Variants in AP4M1 observed in about 807,000 individuals in gnomAD.
AP4M1 encodes adaptor related protein complex 4 subunit mu 1.
In AP4M1, 58 loss-of-function variants were observed where a neutral mutation model predicts 62.4. The observed-to-expected ratio is 0.93, with a 90% CI of 0.75 to 1.16. AP4M1 has a LOEUF of 1.16. Ranked by LOEUF, AP4M1 falls within the 50% of genes most tolerant of loss-of-function variation. The probability of loss-of-function intolerance (pLI) is 0.00; values close to 1 mark genes in which losing one functional copy is unlikely to be tolerated. For missense variants in AP4M1, 626 were observed against 585.4 expected, an observed-to-expected ratio of 1.07 and a Z score of -0.72; for synonymous variants, 290 against 239.7, an observed-to-expected ratio of 1.21 and a Z score of -1.94.
upstream of AP4M1, chr7:100,101,062 T>C (rs1795992660): frequency 1.4e-6 from 1 of 724,448 alleles, no homozygotes; most frequent in Admixed American, 2.9e-5. Flanking sequence ...GTGGGATTAC[T>C]AGCTTTTCTT....
In AP4M1 at chr7:100,106,827, C is replaced by T. The variant is rs755925051; in HGVS notation, c.1307C>T (p.Pro436Leu). 2 of 1,614,038 alleles carry T rather than the reference C, an allele frequency of 1.2e-6. No individual in the cohort carries two copies. The highest frequency in any genetic ancestry group is 1.7e-6 in the Non-Finnish European group (2 of 1,180,052). Residue 436 changes from proline (P) to leucine (L), a missense_variant, in exon 15 of 15, where the codon CCC becomes CTC. Transcript: ENST00000359593. Reference protein sequence around the residue: ...LAFRPCGNANPHKWVRHLSHS... With the variant: ...LAFRPCGNANLHKWVRHLSHS... Reference sequence around the variant, plus strand: ...TTCAGGCCATGCGGCAATGCCAACCCCCACAAGTGGGTGCGACACCTAAGC... The same window carrying T: ...TTCAGGCCATGCGGCAATGCCAACCTCCACAAGTGGGTGCGACACCTAAGC...
chr7:100,102,000 G>C, intron 2 of AP4M1, 32 bp downstream of exon 2: 2 of 1,611,198 alleles, frequency 1.2e-6, no homozygotes, highest in Non-Finnish European at 1.7e-6. Context: ...GTGAGGAGCG[G>C]GGTCCCGTCG....
At chr7:100,102,167 G>A in intron 2 of AP4M1, 199 bp downstream of exon 2, 3 of 658,316 alleles carry the variant, frequency 4.6e-6, no homozygotes, top group Non-Finnish European at 5.4e-6. Context: ...GATCACCTGA[G>A]GTCAGGAGTT....
rs745911313 is a variant in AP4M1, at chr7:100,108,078, G to A, written c.*1196G>A. 61 of 1,611,408 alleles carry A rather than the reference G, an allele frequency of 3.8e-5. No individual in the cohort carries two copies. Among genetic ancestry groups the A allele is most frequent in the Non-Finnish European group, 4.8e-5 (57 of 1,179,368 alleles). The stretch of plus-strand genomic sequence containing the variant: ...GGAACCTTCAGCAAGCCAGGGGTGC[G>A]AGGGCCAGGCTGTGGGGCCTGCGAG... On this transcript the variant is annotated 3_prime_UTR_variant, in exon 15 of 15. Transcript: ENST00000359593.
At chr7:100,103,136 G>C in intron 4 of AP4M1, 176 bp downstream of exon 4, 1 of 665,564 alleles carries the variant, frequency 1.5e-6, no homozygotes, top group Non-Finnish European at 2.6e-6. Context: ...CAGTGGTGCA[G>C]TTATAGCTCA....
chr7:100,101,441 G>A, upstream of AP4M1: 1 of 1,101,794 alleles, frequency 9.1e-7, no homozygotes, highest in Non-Finnish European at 1.3e-6. Flanking sequence ...CACTGCGTGC[G>A]GGCCAATCGG....
upstream of AP4M1, chr7:100,101,548 T>A (rs1018305341): frequency 4.9e-6 from 4 of 814,560 alleles, no homozygotes; most frequent in Non-Finnish European, 8.2e-6. Context: ...CGGAAGGGAA[T>A]CTCCGGGCGG....
Position 100,105,970 on chromosome 7 carries a change from A to G in AP4M1, c.941A>G (p.Tyr314Cys). Residue 314 changes from tyrosine to cysteine, a missense_variant, in exon 12 of 15, where the codon TAT becomes TGT. Coordinates refer to ENST00000359593, the MANE Select transcript of AP4M1 (RefSeq NM_004722.4). ...WDRGSGRLQV[Y>C]LKLRCDLLSK... ...ACCCTCTCATCCAGGCTCCAGGTTT[A>G]TCTAAAGTTGCGATGTGACCTGCTC... 3 of 1,614,126 alleles carry G rather than the reference A, an allele frequency of 1.9e-6. No individual in the cohort carries two copies. The highest frequency in any genetic ancestry group is 2.5e-6 in the Non-Finnish European group (3 of 1,180,020).
chr7:100,106,992 G>T lies in AP4M1; in HGVS notation c.*110G>T. ...CGGACTCTGAATCTGGGCAGGAAGAGTCCTCAGTCCCAAGACCAGGAGGGG... is the reference window on the plus strand; with the variant it reads ...CGGACTCTGAATCTGGGCAGGAAGATTCCTCAGTCCCAAGACCAGGAGGGG... On this transcript the variant is annotated 3_prime_UTR_variant, in exon 15 of 15. Coordinates refer to ENST00000359593, the MANE Select transcript of AP4M1 (RefSeq NM_004722.4). 1 of 1,346,794 alleles carries T rather than the reference G, an allele frequency of 7.4e-7. No individual in the cohort carries two copies. The highest frequency in any genetic ancestry group is 1.0e-6 in the Non-Finnish European group (1 of 975,190). The allele number at this position is 1,346,794 out of a possible 1,614,324, so 83.4% of individuals were successfully genotyped here.
Position 100,108,241 on chromosome 7 carries a change from C to T in AP4M1, c.*1359C>T. On this transcript the variant is annotated 3_prime_UTR_variant, in exon 15 of 15. Transcript: ENST00000359593. ...TGGCTCTCACTAGGGCTGGGGCATCCTCACTCAGGGCCTGGTTGCCCTGAG... is the reference window on the plus strand; with the variant it reads ...TGGCTCTCACTAGGGCTGGGGCATCTTCACTCAGGGCCTGGTTGCCCTGAG... 6.9e-7 allele frequency: 1 copy of T among 1,458,590 alleles called. No homozygotes were observed. The highest frequency in any genetic ancestry group is 9.1e-7 in the Non-Finnish European group (1 of 1,098,694). The allele number at this position is 1,458,590 out of a possible 1,614,324, so 90.4% of individuals were successfully genotyped here.
Position 100,102,968 on chromosome 7 carries a change from T to C in AP4M1, c.351+8T>C. The stretch of plus-strand genomic sequence containing the variant: ...CTCCTGGATGAAGTGCTGGTGAGAA[T>C]CAACAATCCCCTTCTGTGGCCCCTA... On this transcript the variant is annotated splice_region_variant and intron_variant, in intron 4 of 14. Coordinates refer to ENST00000359593, the MANE Select transcript of AP4M1 (RefSeq NM_004722.4). 6.2e-7 allele frequency: 1 copy of C among 1,611,000 alleles called. No individual in the cohort carries two copies. Among genetic ancestry groups the C allele is most frequent in the Non-Finnish European group, 8.5e-7 (1 of 1,177,828 alleles).
chr7:100,105,080 G>A lies in AP4M1; in HGVS notation c.709G>A (p.Gly237Arg), dbSNP rs1370941477. ...RIGLTEEFCV[G>R]KSELRGYGPG... ...TGGCTTGACGGAAGAGTTTTGTGTG[G>A]GGAAGTCAGAGCTGAGAGGTGAGGA... The change falls in exon 9 of 15, where the codon GGG becomes AGG. Residue 237 changes from glycine (G) to arginine (R), a missense_variant. Coordinates refer to ENST00000359593, the MANE Select transcript of AP4M1 (RefSeq NM_004722.4). 1 of 1,614,048 alleles carries A rather than the reference G, an allele frequency of 6.2e-7. No individual in the cohort carries two copies. Among genetic ancestry groups the A allele is most frequent in the Non-Finnish European group, 8.5e-7 (1 of 1,180,042 alleles).
At chr7:100,101,489 C>T (rs1360700450), upstream of AP4M1, 2 of 803,904 alleles carry the variant, frequency 2.5e-6, no homozygotes, top group Non-Finnish European at 4.0e-6. Flanking sequence ...AGCCGCAAGC[C>T]AATCACCGTG....
At position 100,105,482 on chromosome 7, in the gene AP4M1, C is replaced by T; in HGVS notation, c.872C>T (p.Pro291Leu). The T allele has an allele frequency of 6.2e-7, 1 of 1,614,052 alleles. No homozygotes were observed. ...VMRYQLSDDL[P>L]SPLPFRLFPS... ...CGGTACCAACTCTCCGATGACCTCC[C>T]CTCACCGCTCCCCTTCCGGCTCTTC... is the stretch of plus-strand genomic sequence containing the variant. The change falls in exon 11 of 15, where the codon CCC becomes CTC. Residue 291 changes from proline to leucine, a missense_variant. Pro to Leu is a moderately conservative substitution (Grantham distance 98, BLOSUM62 -3). Transcript: ENST00000359593.
chr7:100,103,625 C>A lies in AP4M1; in HGVS notation c.476C>A (p.Thr159Lys), dbSNP rs1271746289. The A allele has an allele frequency of 2.5e-6, 4 of 1,613,842 alleles. No homozygotes were observed. The African/African-American group carries it at 5.3e-5, about 22-fold the overall frequency. Residue 159 changes from threonine to lysine, a missense_variant, in exon 6 of 15, where the codon ACA (threonine) becomes AAA (lysine). Coordinates refer to ENST00000359593, the MANE Select transcript of AP4M1 (RefSeq NM_004722.4). ...LSSVGLFGAE[T>K]QQSKVAPSSA... ...GATGCTTTACAGTTTGGGGCTGAGA[C>A]ACAACAGAGCAAAGTGGCCCCCAGC...
intron 11 of AP4M1, 129 bp from the exon 12 acceptor site, chr7:100,105,830 G>T: frequency 4.3e-6 from 5 of 1,155,806 alleles, no homozygotes. Flanking sequence ...GTTGGGCTGG[G>T]CTTCAGCCCT....
Position 100,107,653 on chromosome 7 carries a change from C to T in AP4M1, c.*771C>T. 2 of 1,601,452 alleles carry T rather than the reference C, an allele frequency of 1.2e-6. No homozygotes were observed. On this transcript the variant is annotated 3_prime_UTR_variant, in exon 15 of 15. Transcript: ENST00000359593. ...ATAGAAAGGAAAGGCAGGCCGCTTGCCCTGTGCCCTCCCTGCCCCCCAGAG... is the reference window on the plus strand; with the variant it reads ...ATAGAAAGGAAAGGCAGGCCGCTTGTCCTGTGCCCTCCCTGCCCCCCAGAG...
In AP4M1 at chr7:100,108,325, CCT is replaced by C. The variant is rs893198999; in HGVS notation, c.*1446_*1447del. 9 of 1,563,704 alleles carry C rather than the reference CCT, an allele frequency of 5.8e-6. No individual in the cohort carries two copies. The African/African-American group carries it at 1.1e-4, about 19-fold the overall frequency. On this transcript the variant is annotated 3_prime_UTR_variant, in exon 15 of 15. Transcript: ENST00000359593. ...AGTGCCTGTCCCACACAGGGGTTCT[CCT>C]CTGCTTCCTCCTATTCCTCCTCCCC... is the stretch of plus-strand genomic sequence containing the variant.
chr7:100,108,142 A>G lies in AP4M1; in HGVS notation c.*1260A>G, dbSNP rs1205200117. Reference sequence around the variant, plus strand: ...GCCGGGGCTGCGGGGAGAAGAGGAAAGGGGGAAGTGGCACCATCTACTAAG... The same window carrying G: ...GCCGGGGCTGCGGGGAGAAGAGGAAGGGGGGAAGTGGCACCATCTACTAAG... On this transcript the variant is annotated 3_prime_UTR_variant, in exon 15 of 15. Coordinates refer to ENST00000359593, the MANE Select transcript of AP4M1 (RefSeq NM_004722.4). The G allele has an allele frequency of 6.3e-6, 10 of 1,579,424 alleles. No individual in the cohort carries two copies. Among genetic ancestry groups the G allele is most frequent in the Non-Finnish European group, 8.6e-6 (10 of 1,167,086 alleles).
Sources: gnomAD v4.1 joint callset for allele counts on GRCh38, gnomAD v4.1.1 for gene constraint, MANE v1.5 for transcripts, NCBI Gene and HGNC (gene_info 2026-07-23, HGNC 2026-07-21) for gene names.